The following ALOX5AP variants were observed in gnomAD, a reference collection of about 807,000 sequenced individuals.
ALOX5AP encodes arachidonate 5-lipoxygenase activating protein.
ALOX5AP carries 9 observed loss-of-function variants against 18.5 expected under a neutral mutation model. That is an observed-to-expected ratio of 0.49 (90% CI 0.29 to 0.85). The LOEUF is 0.85. ALOX5AP is among the 40% of genes least tolerant of loss of function. ALOX5AP has a pLI of 0.08. For missense variants in ALOX5AP, 172 were observed against 202.5 expected (o/e 0.85, Z 0.91); for synonymous variants, 81 against 78.6 (o/e 1.03, Z -0.16).
At chr13:30,717,752 C>T (rs781062876) in intron 1 of ALOX5AP, among the ~76,000 whole-genome samples, 9 of 152,172 alleles carry the variant, frequency 5.9e-5, no homozygotes, top group Non-Finnish European at 1.2e-4. Flanking sequence ...TCAGCCTCTA[C>T]ATGTTCAGCT....
At chr13:30,720,539 A>G (rs1223518978) in intron 1 of ALOX5AP, among the ~76,000 whole-genome samples, 2 of 152,264 alleles carry the variant, frequency 1.3e-5, no homozygotes, top group East Asian at 3.8e-4. Flanking sequence ...ACAAACATGT[A>G]GGAGTCAGAA....
intron 4 of ALOX5AP, among the ~76,000 whole-genome samples, chr13:30,759,605 T>G (rs1266165640): frequency 6.6e-6 from 1 of 152,194 alleles, no homozygotes; most frequent in Non-Finnish European, 1.5e-5. Flanking sequence ...ATCATAGACC[T>G]AGTTCTCAAA....
chr13:30,758,450 G>A (rs1951914393), intron 4 of ALOX5AP, among the ~76,000 whole-genome samples: 1 of 152,200 alleles, frequency 6.6e-6, no homozygotes, highest in African/African-American at 2.4e-5. Flanking sequence ...TTGAACCCCA[G>A]ATGGTCCGTT....
rs117957618 is a variant in ALOX5AP, at chr13:30,752,585, C to T, written c.241+463C>T. 1.6e-3 allele frequency among the ~76,000 whole-genome samples: 245 copies of T among 152,342 alleles called. 3 individuals are homozygous for T. The East Asian group carries it at 0.034, about 21-fold the overall frequency. ...CCGGCCTTCCCACAGTTATCAGCAGCCCACAGGCTTGACTTGAGCAAGTTG... is the reference window on the plus strand; with the variant it reads ...CCGGCCTTCCCACAGTTATCAGCAGTCCACAGGCTTGACTTGAGCAAGTTG... On this transcript the variant is annotated intron_variant, in intron 3 of 4. Coordinates refer to ENST00000380490, the MANE Select transcript of ALOX5AP (RefSeq NM_001629.4).
intron 1 of ALOX5AP, among the ~76,000 whole-genome samples, chr13:30,726,083 C>G (rs76883156): frequency 0.061 from 9,295 of 152,198 alleles, 439 homozygotes; most frequent in South Asian, 0.18. Context: ...TTTTTCCTTC[C>G]CATTCCTGTA....
chr13:30,714,976 T>A (rs952743181), intron 1 of ALOX5AP, among the ~76,000 whole-genome samples: 9 of 152,184 alleles, frequency 5.9e-5, no homozygotes, highest in Admixed American at 5.9e-4. Context: ...GGGTCATCTC[T>A]CTGGCCAGAT....
intron 1 of ALOX5AP, among the ~76,000 whole-genome samples, chr13:30,719,902 A>G (rs4316608): frequency 0.35 from 52,995 of 151,068 alleles, 10,525 homozygotes; most frequent in African/African-American, 0.54. Flanking sequence ...TTGCTCTGTC[A>G]CTAGGCTGGA....
At chr13:30,744,870 G>A (rs755076272) in intron 2 of ALOX5AP, among the ~76,000 whole-genome samples, 2 of 152,180 alleles carry the variant, frequency 1.3e-5, no homozygotes, top group Non-Finnish European at 2.9e-5. Flanking sequence ...TATGGACTAC[G>A]GACTAGGGGC....
chr13:30,732,057 C>A (rs1951685728), upstream of ALOX5AP, among the ~76,000 whole-genome samples: 1 of 152,248 alleles, frequency 6.6e-6, no homozygotes, highest in South Asian at 2.1e-4. Flanking sequence ...AATTTAATGG[C>A]CGTCTCGGCT....
In ALOX5AP at chr13:30,714,947, C is replaced by A. The variant is rs972684946; in HGVS notation, c.116+1106C>A. 3.3e-5 allele frequency among the ~76,000 whole-genome samples: 5 copies of A among 152,314 alleles called. No individual in the cohort carries two copies. The East Asian group carries it at 7.7e-4, about 24-fold the overall frequency. ...AGAGCTGTGTCAAGGTTCTGAGAAT[C>A]TATCCCTTGGCTTGGAAGGGGTCAT... On this transcript the variant is annotated intron_variant, in intron 1 of 5. Transcript: ENST00000617770.
At chr13:30,742,349 G>A (rs1471299412) in intron 1 of ALOX5AP, 1 of 152,164 alleles carries the variant, frequency 6.6e-6, no homozygotes, top group East Asian at 1.9e-4. Flanking sequence ...TGGAGCTGAT[G>A]AAATCCTGCA....
chr13:30,731,788 C>A (rs1005911965), upstream of ALOX5AP, among the ~76,000 whole-genome samples: 8 of 152,194 alleles, frequency 5.3e-5, no homozygotes, highest in South Asian at 1.4e-3. Context: ...GGTACAATGC[C>A]CAGTACAGAC....
Position 30,748,587 on chromosome 13 carries a change from G to A in ALOX5AP, c.171-3465G>A, listed in dbSNP as rs142460005. 4.5e-3 allele frequency among the ~76,000 whole-genome samples: 689 copies of A among 152,178 alleles called. 4 individuals carry two copies. The highest frequency in any genetic ancestry group is 0.015 in the African/African-American group (640 of 41,504). ...AGTTCTGTTTTGCAGAAAAAATAGC[G>A]CAAAATTTCTCAAAAGAAAATCCAG... On this transcript the variant is annotated intron_variant, in intron 2 of 4. Transcript: ENST00000380490.
chr13:30,741,831 G>GT (rs770976174), intron 1 of ALOX5AP, among the ~76,000 whole-genome samples: 72,546 of 133,784 alleles, frequency 0.54, 21,767 homozygotes, highest in Non-Finnish European at 0.67. Flanking sequence ...ATGGTTTTCT[G>GT]TTTTTTTTTT....
chr13:30,724,140 T>G (rs142565814), intron 1 of ALOX5AP, among the ~76,000 whole-genome samples: 14 of 152,314 alleles, frequency 9.2e-5, no homozygotes, highest in African/African-American at 2.9e-4. Flanking sequence ...TGCTTTCTGT[T>G]GCTATAAATT....
chr13:30,742,161 C>T (rs1951771582), intron 1 of ALOX5AP, among the ~76,000 whole-genome samples: 1 of 151,976 alleles, frequency 6.6e-6, no homozygotes, highest in South Asian at 2.1e-4. Flanking sequence ...ACTAAAAATA[C>T]AAAAATTAGC....
chr13:30,732,020 C>T (rs1242133729), upstream of ALOX5AP, among the ~76,000 whole-genome samples: 1 of 152,234 alleles, frequency 6.6e-6, no homozygotes, highest in African/African-American at 2.4e-5. Context: ...TCTGCAGCTG[C>T]AGCCAGAATC....
At chr13:30,720,137 G>A (rs1951582481) in intron 1 of ALOX5AP, among the ~76,000 whole-genome samples, 1 of 152,212 alleles carries the variant, frequency 6.6e-6, no homozygotes, top group Non-Finnish European at 1.5e-5. Context: ...TGGGATTACA[G>A]GCGTGAGCCA....
At chr13:30,741,849 T>TTTTA (rs398022178) in intron 1 of ALOX5AP, among the ~76,000 whole-genome samples, 2 of 149,798 alleles carry the variant, frequency 1.3e-5, no homozygotes, top group African/African-American at 2.5e-5. Flanking sequence ...TTTTTTTTTT[T>TTTTA]AATATTTTTG....
Sources: gnomAD v4.1 joint callset for allele counts (sites outside exome capture counted in the v4.1 genomes callset) on GRCh38, gnomAD v4.1.1 for gene constraint, MANE v1.5 for transcripts, NCBI Gene and HGNC (gene_info 2026-07-23, HGNC 2026-07-21) for gene names.